WARS2: variants seen among roughly 807,000 people sequenced by gnomAD.
The protein encoded by WARS2 is tryptophan--tRNA ligase, mitochondrial.
A neutral mutation model predicts 36.5 loss-of-function variants in WARS2; 28 were observed. The observed-to-expected ratio is 0.77, with a 90% CI of 0.57 to 1.05. The LOEUF is 1.05. Among genes scored for constraint, WARS2 ranks in the 50% least tolerant of loss-of-function variants. WARS2 has a pLI of 0.00. For synonymous variants in WARS2, 174 were observed against 178.4 expected (o/e 0.98, Z 0.20); for missense variants, 435 against 456.8 (o/e 0.95, Z 0.44).
chr1:119,138,851 G>C (rs907605551), intron 1 of WARS2, among the ~76,000 whole-genome samples: 1 of 152,150 alleles, frequency 6.6e-6, no homozygotes, highest in Non-Finnish European at 1.5e-5. Flanking sequence ...AAACAATCTA[G>C]ATTAATAATT....
At chr1:119,090,948 G>C (rs1357811542) in intron 1 of WARS2, among the ~76,000 whole-genome samples, 1 of 152,036 alleles carries the variant, frequency 6.6e-6, no homozygotes. Context: ...TGAATTAGTT[G>C]ATATGTAACT....
intron 1 of WARS2, among the ~76,000 whole-genome samples, chr1:119,090,887 C>A (rs1652994987): frequency 6.6e-6 from 1 of 152,066 alleles, no homozygotes; most frequent in Admixed American, 6.6e-5. Context: ...AGAGCAAGAT[C>A]CTGTCTCAAA....
At chr1:119,140,378 T>C in intron 1 of WARS2, 177 bp downstream of exon 1, 1 of 472,068 alleles carries the variant, frequency 2.1e-6, no homozygotes. Flanking sequence ...TCATCACGTA[T>C]CCTTGCAACG....
At chr1:119,076,281 C>T in intron 2 of WARS2, 69 bp downstream of exon 2, 7 of 1,569,836 alleles carry the variant, frequency 4.5e-6, no homozygotes, top group Non-Finnish European at 6.1e-6. Flanking sequence ...GCTGTATGAA[C>T]CATTCAACAT....
intron 4 of WARS2, among the ~76,000 whole-genome samples, chr1:119,041,478 G>A (rs986371252): frequency 1.3e-5 from 2 of 152,078 alleles, no homozygotes; most frequent in East Asian, 1.9e-4. Context: ...ATGGATTAGG[G>A]GTCCAGGAAA....
At chr1:119,039,395 T>C (rs146019107) in intron 4 of WARS2, among the ~76,000 whole-genome samples, 49 of 152,016 alleles carry the variant, frequency 3.2e-4, no homozygotes, top group Non-Finnish European at 6.0e-4. Flanking sequence ...ATACAACACA[T>C]ATATATAACA....
intron 2 of WARS2, 71 bp from the exon 3 acceptor site, chr1:119,045,733 AAG>A (rs1648745271): frequency 8.2e-7 from 1 of 1,226,302 alleles, no homozygotes; most frequent in Non-Finnish European, 1.2e-6. Context: ...ACTAAGTAGT[AAG>A]TATTACCCTA....
intron 1 of WARS2, among the ~76,000 whole-genome samples, chr1:119,111,918 TTC>T: frequency 6.6e-6 from 1 of 152,186 alleles, no homozygotes; most frequent in Admixed American, 6.5e-5. Flanking sequence ...TTTGAGTTTG[TTC>T]AGATTTTTTT....
chr1:119,132,106 G>A (rs1264427790), intron 1 of WARS2, among the ~76,000 whole-genome samples: 3 of 152,096 alleles, frequency 2.0e-5, no homozygotes, highest in Admixed American at 6.5e-5. Context: ...ACAATGTGAG[G>A]AGTATTATTA....
Position 119,034,152 on chromosome 1 carries a change from C to G in WARS2, c.577G>C (p.Ala193Pro), listed in dbSNP as rs752777253. The change falls in exon 5 of 6, where the codon GCA (alanine) becomes CCA (proline). Residue 193 changes from alanine (A) to proline (P), a missense_variant. By Grantham distance (27) the Ala-to-Pro change is conservative. Coordinates refer to ENST00000235521, the MANE Select transcript of WARS2 (RefSeq NM_015836.4). Reference sequence around the variant, plus strand: ...CCATACTTCTTGTTGAAACCTTGTGCTAGATCCTGAACTAGTTCCATGTGC... The same window carrying G: ...CCATACTTCTTGTTGAAACCTTGTGGTAGATCCTGAACTAGTTCCATGTGC... ...VQHMELVQDL[A>P]QGFNKKYGEF... The G allele has an allele frequency of 6.2e-7, 1 of 1,614,088 alleles. No individual in the cohort carries two copies. Among genetic ancestry groups the G allele is most frequent in the Admixed American group, 1.7e-5 (1 of 60,032 alleles).
At chr1:119,089,313 C>G (rs1476423101) in intron 1 of WARS2, among the ~76,000 whole-genome samples, 3 of 152,144 alleles carry the variant, frequency 2.0e-5, no homozygotes, top group Non-Finnish European at 4.4e-5. Context: ...ACAGGGTGTT[C>G]CAACCACATT....
At chr1:119,131,458 G>GT (rs761800862) in intron 1 of WARS2, among the ~76,000 whole-genome samples, 32,274 of 132,222 alleles carry the variant, frequency 0.24, 4,628 homozygotes, top group African/African-American at 0.36. Context: ...AAAGTTTTTT[G>GT]TTTTTTGTTT....
At chr1:119,045,249 T>C (rs1014261235) in intron 3 of WARS2, among the ~76,000 whole-genome samples, 2 of 152,160 alleles carry the variant, frequency 1.3e-5, no homozygotes, top group African/African-American at 2.4e-5. Context: ...CCAGTGGAAA[T>C]GGGAGGCAAC....
At chr1:119,106,322 C>G (rs1175371379) in intron 1 of WARS2, among the ~76,000 whole-genome samples, 1 of 152,104 alleles carries the variant, frequency 6.6e-6, no homozygotes, top group African/African-American at 2.4e-5. Context: ...TCATAATCAC[C>G]CAAACTCCAC....
At chr1:119,046,233 T>C (rs1200323997) in intron 2 of WARS2, among the ~76,000 whole-genome samples, 2 of 151,788 alleles carry the variant, frequency 1.3e-5, no homozygotes, top group East Asian at 3.9e-4. Context: ...ATTTTTATAG[T>C]TTCTACTTCC....
At chr1:119,134,276 A>C (rs1043891357) in intron 1 of WARS2, among the ~76,000 whole-genome samples, 2 of 150,522 alleles carry the variant, frequency 1.3e-5, no homozygotes, top group African/African-American at 2.4e-5. Context: ...CCATGAATTA[A>C]AAATCAGATT....
chr1:119,032,530 A>G lies in WARS2; in HGVS notation c.*381T>C. 4.9e-6 allele frequency: 1 copy of G among 204,722 alleles called. No individual in the cohort carries two copies. 12.7% of individuals were successfully genotyped at this position (204,722 alleles called of 1,614,324 possible). On this transcript the variant is annotated 3_prime_UTR_variant, in exon 6 of 6. Transcript: ENST00000235521. Reference sequence around the variant, plus strand: ...AGACCTCTATATATTGCTTTATAAAAGGGTTGAAGTAGATAACGTGTGCAT... The same window carrying G: ...AGACCTCTATATATTGCTTTATAAAGGGGTTGAAGTAGATAACGTGTGCAT...
intron 3 of WARS2, 25 bp from the exon 4 acceptor site, chr1:119,042,374 G>C (rs1261080195): frequency 6.2e-7 from 1 of 1,608,612 alleles, no homozygotes; most frequent in Admixed American, 1.7e-5. Context: ...AAGAGAGGAG[G>C]GGAAGAAATC....
intron 3 of WARS2, among the ~76,000 whole-genome samples, chr1:119,042,793 A>G (rs1163291725): frequency 6.6e-6 from 1 of 152,212 alleles, no homozygotes; most frequent in Non-Finnish European, 1.5e-5. Flanking sequence ...TGCCACTGAG[A>G]AAACTGGAAT....
Sources: allele counts gnomAD v4.1 joint callset (sites outside exome capture counted in the v4.1 genomes callset), GRCh38; gene constraint gnomAD v4.1.1; transcripts MANE v1.5; gene names NCBI Gene and HGNC (gene_info 2026-07-23, HGNC 2026-07-21).